The following HNRNPK variants were observed in gnomAD, a reference collection of about 807,000 sequenced individuals.
HNRNPK encodes heterogeneous nuclear ribonucleoprotein K, also known as dC-stretch binding protein.
HNRNPK carries 7 observed loss-of-function variants against 67.0 expected under a neutral mutation model. The observed-to-expected ratio is 0.10, with a 90% CI of 0.06 to 0.20. HNRNPK has a LOEUF of 0.20. Among genes scored for constraint, HNRNPK ranks in the 10% least tolerant of loss-of-function variants. The pLI is 1.00. For synonymous variants in HNRNPK, 213 were observed against 193.7 expected (o/e 1.10, Z -0.83); for missense variants, 264 against 606.5 (o/e 0.44, Z 5.93).
rs775667809 is a variant in HNRNPK, at chr9:83,970,995, T to TG, written c.1093-84dup. On this transcript the variant is annotated intron_variant, in intron 13 of 16. Transcript: ENST00000376263. ...CTTTAAAAAAATTCATTTAATAAAA[T>TG]GGAGTCTTGCTATGTTGCCCAGGCT... 252 of 1,378,486 alleles carry TG rather than the reference T, an allele frequency of 1.8e-4. 1 individual carries two copies. The Middle Eastern group carries it at 6.7e-3, about 36-fold the overall frequency. The allele number at this position is 1,378,486 out of a possible 1,614,324, so 85.4% of individuals were successfully genotyped here. A position where few individuals can be genotyped will look rare whatever the true frequency, so the allele number is the denominator to read the frequency against.
In HNRNPK at chr9:83,972,856, A is replaced by G. The variant is rs766276220; in HGVS notation, c.633T>C (p.Asp211=). The G allele has an allele frequency of 6.2e-7, 1 of 1,600,848 alleles. No homozygotes were observed. The part of the protein sequence containing the change: ...RVVECIKIIL[D]LISESPIKGR... ...TGTTCTGAAGTACCTCAGATATAAGATCAAGGATGATCTTTATGCACTCTA... is the reference window on the plus strand; with the variant it reads ...TGTTCTGAAGTACCTCAGATATAAGGTCAAGGATGATCTTTATGCACTCTA... The change falls in exon 10 of 17, where the codon GAT becomes GAC. Residue 211 remains aspartate, a synonymous_variant. Coordinates refer to ENST00000376263, the MANE Select transcript of HNRNPK (RefSeq NM_031263.4).
At chr9:83,973,018 T>C in intron 9 of HNRNPK, 46 bp from the exon 10 acceptor site, 1 of 1,393,472 alleles carries the variant, frequency 7.2e-7, no homozygotes. Flanking sequence ...AGAAGAAAAT[T>C]AGCTTTCCTA....
Position 83,978,217 on chromosome 9 carries a change from G to A in HNRNPK, c.36C>T (p.Asn12=), listed in dbSNP as rs778178974. Residue 12 remains asparagine (N), a synonymous_variant, in exon 3 of 17, where the codon AAC becomes AAT. Coordinates refer to ENST00000376263, the MANE Select transcript of HNRNPK (RefSeq NM_031263.4). The part of the protein sequence containing the change: ...ETEQPEETFP[N]TETNGEFGKR... ...CACCAAATTCACCATTGGTTTCAGT[G>A]TTAGGGAAGGTTTCTTCTGGCTGTT... The A allele has an allele frequency of 6.2e-6, 10 of 1,608,456 alleles. No individual in the cohort carries two copies. The highest frequency in any genetic ancestry group is 5.1e-6 in the Non-Finnish European group (6 of 1,175,840).
chr9:83,974,247 A>ATG (rs1956974821), intron 7 of HNRNPK, among the ~76,000 whole-genome samples: 1 of 151,864 alleles, frequency 6.6e-6, no homozygotes. Context: ...AATCTTTCTG[A>ATG]TAACTAAAGC....
At chr9:83,974,808 A>G (rs931565906) in intron 6 of HNRNPK, among the ~76,000 whole-genome samples, 1 of 152,216 alleles carries the variant, frequency 6.6e-6, no homozygotes, top group Non-Finnish European at 1.5e-5. Flanking sequence ...AGAGAGACAG[A>G]GAGAATGGGC....
At chr9:83,972,767 G>T in intron 10 of HNRNPK, 77 bp downstream of exon 10, 1 of 1,099,576 alleles carries the variant, frequency 9.1e-7, no homozygotes, top group Non-Finnish European at 1.3e-6. Context: ...TAGACTAAAT[G>T]CTCTGAAGCT....
chr9:83,980,351 A>C (rs1957335142), upstream of HNRNPK: 1 of 152,264 alleles, frequency 6.6e-6, no homozygotes, highest in Non-Finnish European at 1.5e-5. Flanking sequence ...GGAGGAGGCG[A>C]CAACCCCGCC....
Position 83,971,685 on chromosome 9 carries a change from C to T in HNRNPK, c.995G>A (p.Arg332His), listed in dbSNP as rs759203214. The T allele has an allele frequency of 3.1e-6, 5 of 1,613,696 alleles. No individual in the cohort carries two copies. The highest frequency in any genetic ancestry group is 1.3e-5 in the African/African-American group (1 of 75,036). Residue 332 changes from arginine to histidine, a missense_variant, in exon 12 of 17, where the codon CGT becomes CAT. By Grantham distance (29) the Arg-to-His change is conservative (BLOSUM62 0). Transcript: ENST00000376263. ...CAAAGTTCTTACCATGCCGTCGTAACGGTCTCCAGGTCTCCCTCTTCTGTC... is the reference window on the plus strand; with the variant it reads ...CAAAGTTCTTACCATGCCGTCGTAATGGTCTCCAGGTCTCCCTCTTCTGTC... ...AYDRRGRPGD[R>H]YDGMVGFSAD...
intron 7 of HNRNPK, 38 bp downstream of exon 7, chr9:83,974,478 CT>C (rs1956988084): frequency 2.0e-6 from 2 of 994,904 alleles, no homozygotes; most frequent in Non-Finnish European, 3.1e-6. Context: ...ACATTCCCCC[CT>C]CATATTGTCA....
chr9:83,971,456 G>A (rs990051964), intron 12 of HNRNPK, 100 bp from the exon 13 acceptor site: 8 of 897,464 alleles, frequency 8.9e-6, no homozygotes, highest in African/African-American at 5.0e-5. Context: ...ACAAAAGAGG[G>A]TACATATATA....
chr9:83,974,333 CT>C (rs1564065360), intron 7 of HNRNPK, among the ~76,000 whole-genome samples, 183 bp downstream of exon 7: 1 of 144,476 alleles, frequency 6.9e-6, no homozygotes, highest in African/African-American at 2.6e-5. Context: ...AGTGGCCAGC[CT>C]GTTTTTTTTT....
Position 83,971,282 on chromosome 9 carries a change from A to G in HNRNPK, c.1083T>C (p.Tyr361=), listed in dbSNP as rs761249522. Residue 361 remains tyrosine (Y), a synonymous_variant, in exon 13 of 17, where the codon TAT becomes TAC. Transcript: ENST00000376263. ...AACTATGATACTCAACCTGTGGTTC[A>G]TAAGCCATCTGCCATTCTGATGGGC... ...TWSPSEWQMA[Y]EPQGGSGYDY... 6.2e-6 allele frequency: 10 copies of G among 1,604,354 alleles called. No individual in the cohort carries two copies. In the Admixed American group the frequency reaches 6.7e-5, roughly 11 times the overall value.
chr9:83,979,071 A>G (rs1163222499), intron 1 of HNRNPK, among the ~76,000 whole-genome samples: 2 of 152,222 alleles, frequency 1.3e-5, no homozygotes. Flanking sequence ...ATTAGGCTTA[A>G]GGGAGTACAA....
Position 83,970,745 on chromosome 9 carries a change from G to A in HNRNPK, c.1183C>T (p.Pro395Ser), listed in dbSNP as rs771289643. 1 of 1,565,294 alleles carries A rather than the reference G, an allele frequency of 6.4e-7. No individual in the cohort carries two copies. Among genetic ancestry groups the A allele is most frequent in the Non-Finnish European group, 8.8e-7 (1 of 1,136,262 alleles). The change falls in exon 15 of 17, where the codon CCC becomes TCC. Residue 395 changes from proline to serine, a missense_variant. Transcript: ENST00000376263. Reference sequence around the variant, plus strand: ...GTATTAAAGATACTTACATCTTTGGGAATAGTTACTTGTGTAGTAATAATA... The same window carrying A: ...GTATTAAAGATACTTACATCTTTGGAAATAGTTACTTGTGTAGTAATAATA... ...GPIITTQVTIPKDLAGSIIGK... is the reference protein window; with the variant it reads ...GPIITTQVTISKDLAGSIIGK...
rs1213599467 is a variant in HNRNPK at position 83,973,381 on chromosome 9, T to C, written c.421A>G (p.Ser141Gly). Residue 141 changes from serine to glycine, a missense_variant, in exon 9 of 17, where the codon AGT becomes GGT. This residue lies in a region of HNRNPK where 18 missense variants were observed against 84.5 expected (regional missense o/e 0.21). Coordinates refer to ENST00000376263, the MANE Select transcript of HNRNPK (RefSeq NM_031263.4). The stretch of plus-strand genomic sequence containing the variant: ...AGCCTCAACTCGCAGTCAAAGTCAC[T>C]TCCTTTATAGTGTTGGTACTGTGGA... ...ECLNYQHYKGSDFDCELRLLI... is the reference protein window; with the variant it reads ...ECLNYQHYKGGDFDCELRLLI... 12 of 1,603,150 alleles carry C rather than the reference T, an allele frequency of 7.5e-6. No individual in the cohort carries two copies. Among genetic ancestry groups the C allele is most frequent in the Non-Finnish European group, 1.0e-5 (12 of 1,170,156 alleles).
At chr9:83,969,663 T>C (rs1422801784) in intron 16 of HNRNPK, 40 of 610,248 alleles carry the variant, frequency 6.6e-5, no homozygotes, top group Non-Finnish European at 8.9e-5. Context: ...GAAAACGGAA[T>C]TGAAAGTTGT....
chr9:83,973,808 A>G, intron 8 of HNRNPK, 94 bp downstream of exon 8: 2 of 916,226 alleles, frequency 2.2e-6, no homozygotes, highest in Admixed American at 2.1e-5. Flanking sequence ...GCCTTTTTCT[A>G]TAGAGATGGG....
upstream of HNRNPK, chr9:83,980,583 G>T (rs296888): frequency 6.5e-6 from 1 of 152,758 alleles, no homozygotes; most frequent in Non-Finnish European, 1.5e-5. Flanking sequence ...GGCGTCTGCA[G>T]TGCTGTCGCC....
At position 83,972,033 on chromosome 9, in the gene HNRNPK, G is replaced by T. The variant is rs1956869902; in HGVS notation, c.802C>A (p.Arg268=). 1.2e-6 allele frequency: 2 copies of T among 1,613,826 alleles called. No individual in the cohort carries two copies. Among genetic ancestry groups the T allele is most frequent in the Non-Finnish European group, 1.7e-6 (2 of 1,179,840 alleles). ...RGGFDRMPPG[R]GGRPMPPSRR... ...GATGGAGGCATGGGACGCCCACCCC[G>T]ACCAGGAGGCATTCTGTCAAAACCA... The change falls in exon 11 of 17, where the codon CGG becomes AGG. Residue 268 remains arginine, a synonymous_variant. Coordinates refer to ENST00000376263, the MANE Select transcript of HNRNPK (RefSeq NM_031263.4).
Sources: gnomAD v4.1 joint callset for allele counts (sites outside exome capture counted in the v4.1 genomes callset) on GRCh38, gnomAD v4.1.1 for gene constraint, gnomAD v4.1.1 regional missense constraint, MANE v1.5 for transcripts, NCBI Gene and HGNC (gene_info 2026-07-23, HGNC 2026-07-21) for gene names.